The following DLG1 variants were observed in gnomAD, a reference collection of about 807,000 sequenced individuals.
The protein encoded by DLG1 is disks large homolog 1.
Under a neutral mutation model 123.4 loss-of-function variants are expected in DLG1, and 42 were observed. The ratio of observed to expected loss-of-function variants is 0.34; its 90% CI spans 0.27 to 0.44. The LOEUF (loss-of-function observed/expected upper bound fraction) is 0.44. Among genes scored for constraint, DLG1 ranks in the 20% least tolerant of loss-of-function variants. The pLI is 1.00. For synonymous variants in DLG1, 317 were observed against 356.2 expected (o/e 0.89, Z 1.24); for missense variants, 942 against 1,082.6 (o/e 0.87, Z 1.82).
chr3:197,203,318 C>G (rs1311307510), intron 4 of DLG1, among the ~76,000 whole-genome samples: 1 of 152,094 alleles, frequency 6.6e-6, no homozygotes. Context: ...ACTTAGAAAA[C>G]TGTGTCATAG....
chr3:197,127,498 AG>A (rs1780333543), intron 11 of DLG1, among the ~76,000 whole-genome samples: 1 of 126,070 alleles, frequency 7.9e-6, no homozygotes, highest in Non-Finnish European at 1.7e-5. Flanking sequence ...ATATATATAA[AG>A]TAAGAAACCT....
chr3:197,217,906 C>T (rs761746593), intron 4 of DLG1, among the ~76,000 whole-genome samples: 16 of 152,236 alleles, frequency 1.1e-4, no homozygotes, highest in South Asian at 1.0e-3. Flanking sequence ...CACTTAAAGA[C>T]GCTGTACTTT....
rs116683879 is a variant in DLG1, at chr3:197,278,547, C to T, written c.318+4132G>A. Among the ~76,000 whole-genome samples, 687 of 151,868 alleles carry T rather than the reference C, an allele frequency of 4.5e-3. 6 individuals carry two copies. The highest frequency in any genetic ancestry group is 0.016 in the African/African-American group (661 of 41,456). ...AAACAATCATTAAACACTAAACAAA[C>T]ATTATTCCAAACATCTCACTAGACA... On this transcript the variant is annotated intron_variant, in intron 4 of 24. Transcript: ENST00000667157.
chr3:197,126,218 A>G (rs1333441360), intron 11 of DLG1, among the ~76,000 whole-genome samples: 2 of 152,118 alleles, frequency 1.3e-5, no homozygotes, highest in African/African-American at 2.4e-5. Flanking sequence ...GCTCATGCCT[A>G]TAATCCCAGC....
At chr3:197,260,080 T>C (rs1758676217) in intron 4 of DLG1, among the ~76,000 whole-genome samples, 1 of 152,190 alleles carries the variant, frequency 6.6e-6, no homozygotes, top group African/African-American at 2.4e-5. Context: ...TTTGGCTATC[T>C]AAAACACATT....
intron 4 of DLG1, among the ~76,000 whole-genome samples, chr3:197,254,916 C>T (rs547308138): frequency 7.9e-5 from 12 of 151,896 alleles, no homozygotes; most frequent in African/African-American, 2.9e-4. Context: ...ATTAGCCGGG[C>T]GTGGTGGCAC....
intron 6 of DLG1, among the ~76,000 whole-genome samples, chr3:197,147,432 GCACA>G (rs67643945): frequency 0.099 from 14,497 of 147,052 alleles, 787 homozygotes; most frequent in African/African-American, 0.14. Flanking sequence ...TATATGGTGT[GCACA>G]CACACACACA....
rs114279265 is a variant in DLG1 at position 197,056,117 on chromosome 3, T to C, written c.2483+3772A>G. Among the ~76,000 whole-genome samples, 1,492 of 152,264 alleles carry C rather than the reference T, an allele frequency of 9.8e-3. 24 individuals are homozygous for C. The highest frequency in any genetic ancestry group is 0.034 in the African/African-American group (1,409 of 41,538). On this transcript the variant is annotated intron_variant, in intron 23 of 24. Coordinates refer to ENST00000667157, the MANE Select transcript of DLG1 (RefSeq NM_001366207.1). The stretch of plus-strand genomic sequence containing the variant: ...TCCCCTGGAAGTCATAAGCCTTCAA[T>C]AGACTTCAGAGTTCCCAACCTGATA...
At chr3:197,131,872 C>T (rs551510527) in intron 10 of DLG1, among the ~76,000 whole-genome samples, 5 of 152,040 alleles carry the variant, frequency 3.3e-5, no homozygotes, top group Admixed American at 1.3e-4. Context: ...GGATTACAGG[C>T]GTGAGCCACC....
intron 5 of DLG1, among the ~76,000 whole-genome samples, chr3:197,169,951 G>A (rs536396575): frequency 1.1e-4 from 16 of 152,096 alleles, no homozygotes; most frequent in African/African-American, 3.6e-4. Context: ...GTGTTGTTCC[G>A]CTCTATGCGT....
Position 197,259,205 on chromosome 3 carries a change from T to G in DLG1, c.318+23474A>C, listed in dbSNP as rs149395615. Among the ~76,000 whole-genome samples the G allele has an allele frequency of 2.5e-3, 387 of 152,270 alleles. 1 individual carries two copies. The highest frequency in any genetic ancestry group is 9.7e-3 in the South Asian group (47 of 4,832). On this transcript the variant is annotated intron_variant, in intron 4 of 24. Coordinates refer to ENST00000667157, the MANE Select transcript of DLG1 (RefSeq NM_001366207.1). ...GCAACAACGACCCTGTTTTCCAGGA[T>G]TATGTGCCCTTTAAACATTCAGTAA... is the stretch of plus-strand genomic sequence containing the variant.
chr3:197,140,463 T>G (rs932982828), intron 7 of DLG1, among the ~76,000 whole-genome samples, 199 bp from the exon 8 acceptor site: 1 of 152,116 alleles, frequency 6.6e-6, no homozygotes, highest in Admixed American at 6.5e-5. Context: ...GCTGAACAGG[T>G]GAGGTTCAAG....
chr3:197,196,397 T>C (rs977468184), intron 4 of DLG1, among the ~76,000 whole-genome samples: 1 of 152,102 alleles, frequency 6.6e-6, no homozygotes, highest in Non-Finnish European at 1.5e-5. Flanking sequence ...TAAAAAAAGG[T>C]TCTCTAACTT....
chr3:197,172,822 T>C (rs947217351), intron 5 of DLG1, among the ~76,000 whole-genome samples: 1 of 152,364 alleles, frequency 6.6e-6, no homozygotes, highest in East Asian at 1.9e-4. Flanking sequence ...CTAGCAATAA[T>C]GAATTGCCTA....
chr3:197,232,038 A>G (rs1743427938), intron 4 of DLG1, among the ~76,000 whole-genome samples: 1 of 152,188 alleles, frequency 6.6e-6, no homozygotes, highest in South Asian at 2.1e-4. Context: ...TCAGAGGAAC[A>G]CCAACAAATT....
chr3:197,297,708 C>A, intron 1 of DLG1: 1 of 988,074 alleles, frequency 1.0e-6, no homozygotes, highest in Non-Finnish European at 1.2e-6. Flanking sequence ...GCTGCTCCAG[C>A]GGGGGCCGGA....
At chr3:197,139,706 G>C (rs953316047) in intron 8 of DLG1, among the ~76,000 whole-genome samples, 1 of 152,042 alleles carries the variant, frequency 6.6e-6, no homozygotes, top group African/African-American at 2.4e-5. Flanking sequence ...TCTATCCTCC[G>C]TATCTTAAAT....
At chr3:197,105,071 T>G in intron 13 of DLG1, 66 bp from the exon 14 acceptor site, 1 of 1,055,602 alleles carries the variant, frequency 9.5e-7, no homozygotes, top group Non-Finnish European at 1.4e-6. Context: ...CACAATAGTC[T>G]ATTCTTTGAG....
At chr3:197,228,477 G>T (rs890597079) in intron 4 of DLG1, among the ~76,000 whole-genome samples, 6 of 152,172 alleles carry the variant, frequency 3.9e-5, no homozygotes, top group Non-Finnish European at 8.8e-5. Context: ...ATTGTGCTAT[G>T]ATCATTTTAA....
Sources: gnomAD v4.1 joint callset for allele counts (sites outside exome capture counted in the v4.1 genomes callset) on GRCh38, gnomAD v4.1.1 for gene constraint, MANE v1.5 for transcripts, NCBI Gene and HGNC (gene_info 2026-07-23, HGNC 2026-07-21) for gene names.